The following SLCO5A1 variants were observed in gnomAD, a reference collection of about 807,000 sequenced individuals.
SLCO5A1 encodes organic anion transporter polypeptide-related protein 4.
Under a neutral mutation model 65.1 loss-of-function variants are expected in SLCO5A1, and 39 were observed. The ratio of observed to expected loss-of-function variants is 0.60; its 90% CI spans 0.46 to 0.78. The LOEUF (loss-of-function observed/expected upper bound fraction) is 0.78. SLCO5A1 is among the 30% of genes least tolerant of loss of function. The pLI is 0.00. For synonymous variants in SLCO5A1, 438 were observed against 415.7 expected, an observed-to-expected ratio of 1.05 and a Z score of -0.65; for missense variants, 1,029 against 1,069.4, an observed-to-expected ratio of 0.96 and a Z score of 0.53.
intron 5 of SLCO5A1, among the ~76,000 whole-genome samples, chr8:69,733,522 T>C (rs892387638): frequency 6.6e-6 from 1 of 152,186 alleles, no homozygotes; most frequent in South Asian, 2.1e-4. Flanking sequence ...TCCTTCAGGG[T>C]TGATACGGTT....
At chr8:69,802,085 A>T (rs1297869280) in intron 2 of SLCO5A1, among the ~76,000 whole-genome samples, 2 of 152,166 alleles carry the variant, frequency 1.3e-5, no homozygotes, top group Non-Finnish European at 2.9e-5. Flanking sequence ...CTACGAGGTG[A>T]TTGTGGGAGT....
At chr8:69,692,665 A>G (rs923691558) in intron 6 of SLCO5A1, among the ~76,000 whole-genome samples, 1 of 152,208 alleles carries the variant, frequency 6.6e-6, no homozygotes, top group Non-Finnish European at 1.5e-5. Context: ...TTTCTTAAAA[A>G]CTATGACACA....
In SLCO5A1 at chr8:69,749,623, C is replaced by CA. The variant is rs376944787; in HGVS notation, c.1258+5800dup. Among the ~76,000 whole-genome samples the CA allele has an allele frequency of 8.9e-3, 1,172 of 131,870 alleles. 17 individuals carry two copies. Among genetic ancestry groups the CA allele is most frequent in the African/African-American group, 0.029 (1,041 of 35,446 alleles). The allele number at this position is 131,870 out of a possible 152,430, so 86.5% of individuals were successfully genotyped here. A position where few individuals can be genotyped will look rare whatever the true frequency, so the allele number is the denominator to read the frequency against. Reference sequence around the variant, plus strand: ...AGAGTGAGACAAAGCAAGACAGTCTCAAAAAAAAAAGAAAAAGAAAAAGAA... The same window carrying CA: ...AGAGTGAGACAAAGCAAGACAGTCTCAAAAAAAAAAAGAAAAAGAAAAAGAA... On this transcript the variant is annotated intron_variant, in intron 4 of 9. Coordinates refer to ENST00000260126, the MANE Select transcript of SLCO5A1 (RefSeq NM_030958.3).
At chr8:69,701,763 T>A (rs2130807386) in intron 6 of SLCO5A1, among the ~76,000 whole-genome samples, 1 of 152,344 alleles carries the variant, frequency 6.6e-6, no homozygotes, top group Middle Eastern at 3.4e-3. Context: ...CCGACCACCT[T>A]GGGCACATGT....
chr8:69,767,219 T>A (rs983475957), intron 2 of SLCO5A1, among the ~76,000 whole-genome samples: 1 of 152,098 alleles, frequency 6.6e-6, no homozygotes, highest in Non-Finnish European at 1.5e-5. Flanking sequence ...GGCAATGGAG[T>A]GCCCACTCCC....
chr8:69,833,989 C>A (rs1821299776), intron 1 of SLCO5A1: 1 of 152,466 alleles, frequency 6.6e-6, no homozygotes, highest in Admixed American at 6.5e-5. Flanking sequence ...GAGGAGCCCA[C>A]GGAGCCGGCT....
intron 7 of SLCO5A1, among the ~76,000 whole-genome samples, 182 bp from the exon 8 acceptor site, chr8:69,679,801 C>A (rs1237111416): frequency 1.3e-5 from 2 of 152,198 alleles, no homozygotes; most frequent in Non-Finnish European, 2.9e-5. Flanking sequence ...GTGTGTCTAA[C>A]AGAATCAAAG....
chr8:69,827,501 T>C (rs1048089366), intron 2 of SLCO5A1, among the ~76,000 whole-genome samples: 1 of 152,186 alleles, frequency 6.6e-6, no homozygotes. Context: ...AATGTTAACA[T>C]AGAACTTTCA....
intron 6 of SLCO5A1, among the ~76,000 whole-genome samples, chr8:69,686,066 T>TGGTC (rs1813985930): frequency 1.4e-5 from 2 of 142,860 alleles, no homozygotes; most frequent in South Asian, 4.1e-4. Flanking sequence ...AACATACTTC[T>TGGTC]ACTACATACT....
intron 2 of SLCO5A1, among the ~76,000 whole-genome samples, chr8:69,826,006 C>T (rs1820893043): frequency 6.6e-6 from 1 of 152,194 alleles, no homozygotes; most frequent in Non-Finnish European, 1.5e-5. Flanking sequence ...CTTTGACAAA[C>T]TGGACAAAAA....
intron 2 of SLCO5A1, among the ~76,000 whole-genome samples, chr8:69,826,665 A>G (rs1474499745): frequency 3.3e-5 from 5 of 152,332 alleles, no homozygotes; most frequent in South Asian, 2.1e-4. Flanking sequence ...AAATAGGAAC[A>G]CTTTTACACT....
chr8:69,753,576 C>T (rs889269726), intron 4 of SLCO5A1, among the ~76,000 whole-genome samples: 10 of 152,210 alleles, frequency 6.6e-5, no homozygotes, highest in African/African-American at 2.2e-4. Context: ...TATCAATCTT[C>T]TCCCCGCTTT....
intron 2 of SLCO5A1, among the ~76,000 whole-genome samples, chr8:69,815,647 AACACACACACACACACACAC>A (rs55665513): frequency 1.4e-5 from 2 of 141,188 alleles, no homozygotes; most frequent in East Asian, 2.1e-4. Context: ...GTAAAATATC[AACACACACACACACACACAC>A]ACACACACAC....
chr8:69,801,972 C>G (rs1819760201), intron 2 of SLCO5A1, among the ~76,000 whole-genome samples: 1 of 152,212 alleles, frequency 6.6e-6, no homozygotes, highest in Non-Finnish European at 1.5e-5. Context: ...TTATTTGGAA[C>G]AGCCTATTTT....
intron 2 of SLCO5A1, among the ~76,000 whole-genome samples, chr8:69,829,782 T>G (rs918954395): frequency 2.6e-5 from 4 of 152,248 alleles, no homozygotes; most frequent in African/African-American, 9.6e-5. Flanking sequence ...CCTTAGGATG[T>G]TGATGTTCCT....
chr8:69,771,733 G>C (rs568376289), intron 2 of SLCO5A1, among the ~76,000 whole-genome samples: 3 of 152,290 alleles, frequency 2.0e-5, no homozygotes, highest in African/African-American at 7.2e-5. Context: ...CTCATCCAGT[G>C]GGTAAAGGAT....
At chr8:69,813,411 T>C (rs970573376) in intron 2 of SLCO5A1, among the ~76,000 whole-genome samples, 2 of 152,230 alleles carry the variant, frequency 1.3e-5, no homozygotes, top group Non-Finnish European at 2.9e-5. Flanking sequence ...ATATGCTCTT[T>C]ATTTTTAAGC....
intron 2 of SLCO5A1, among the ~76,000 whole-genome samples, chr8:69,792,483 G>A (rs758880005): frequency 1.3e-5 from 2 of 152,158 alleles, no homozygotes; most frequent in Non-Finnish European, 2.9e-5. Flanking sequence ...TCGGCAATGG[G>A]GAATATAAGG....
At chr8:69,673,761 G>T (rs534403543) in intron 9 of SLCO5A1, among the ~76,000 whole-genome samples, 10 of 152,098 alleles carry the variant, frequency 6.6e-5, no homozygotes, top group Admixed American at 1.3e-4. Flanking sequence ...AATTCGATAC[G>T]CTTAGTTCTT....
Sources: gnomAD v4.1 joint callset for allele counts (sites outside exome capture counted in the v4.1 genomes callset) on GRCh38, gnomAD v4.1.1 for gene constraint, MANE v1.5 for transcripts, NCBI Gene and HGNC (gene_info 2026-07-23, HGNC 2026-07-21) for gene names.